Variants in KIFAP3 observed in about 807,000 individuals in gnomAD.
KIFAP3 encodes the protein kinesin associated protein 3.
Under a neutral mutation model 106.5 loss-of-function variants are expected in KIFAP3, and 68 were observed. The observed-to-expected ratio is 0.64, with a 90% CI of 0.53 to 0.78. KIFAP3 has a LOEUF of 0.78. KIFAP3 is among the 30% of genes least tolerant of loss of function. The pLI is 0.00. For missense variants in KIFAP3, 780 were observed against 941.8 expected (o/e 0.83, Z 2.25); for synonymous variants, 320 against 311.5 (o/e 1.03, Z -0.29).
In KIFAP3 at chr1:169,950,575, G is replaced by A. The variant is rs906014203; in HGVS notation, c.2273+3436C>T. Among the ~76,000 whole-genome samples the A allele has an allele frequency of 3.9e-5, 6 of 152,058 alleles. No individual in the cohort carries two copies. The South Asian group carries it at 6.2e-4, about 16-fold the overall frequency. On this transcript the variant is annotated intron_variant, in intron 19 of 19. Transcript: ENST00000361580. The stretch of plus-strand genomic sequence containing the variant: ...TTTAGAGAATCAGCTTTTTCAATAT[G>A]TAAAGATCAATTCAGCTATTATTCT...
chr1:170,032,641 T>A (rs906322441), intron 7 of KIFAP3, among the ~76,000 whole-genome samples: 5 of 151,630 alleles, frequency 3.3e-5, no homozygotes, highest in Non-Finnish European at 1.5e-5. Flanking sequence ...TCAATGCAGC[T>A]GACCTTGTTG....
chr1:169,976,114 C>T (rs1026737634), intron 16 of KIFAP3, among the ~76,000 whole-genome samples: 12 of 152,140 alleles, frequency 7.9e-5, no homozygotes, highest in Admixed American at 5.2e-4. Context: ...GGCAGTAACA[C>T]TTATTCACTG....
At position 169,975,372 on chromosome 1, in the gene KIFAP3, A is replaced by G. The variant is rs189583141; in HGVS notation, c.1897+2713T>C. 5.8e-3 allele frequency among the ~76,000 whole-genome samples: 647 copies of G among 110,854 alleles called. 6 individuals carry two copies. The highest frequency in any genetic ancestry group is 5.7e-3 in the Non-Finnish European group (318 of 55,966). The allele number at this position is 110,854 out of a possible 152,430, so 72.7% of individuals were successfully genotyped here. A position where few individuals can be genotyped will look rare whatever the true frequency, so the allele number is the denominator to read the frequency against. ...TTCTGTTCAAATTATATCAAATAAT[A>G]TTGATCAAACTTTCTAACAAAAAAT... On this transcript the variant is annotated intron_variant, in intron 16 of 19. Transcript: ENST00000361580.
chr1:169,962,134 T>C (rs1449089645), intron 17 of KIFAP3, among the ~76,000 whole-genome samples: 2 of 151,950 alleles, frequency 1.3e-5, no homozygotes, highest in Non-Finnish European at 2.9e-5. Context: ...AGAAAACAAA[T>C]ATCAGAATTG....
At chr1:170,057,211 C>T (rs553734315) in intron 1 of KIFAP3, among the ~76,000 whole-genome samples, 1 of 152,188 alleles carries the variant, frequency 6.6e-6, no homozygotes, top group Admixed American at 6.5e-5. Context: ...AGACTAGCCT[C>T]CTATTACCAC....
intron 9 of KIFAP3, among the ~76,000 whole-genome samples, chr1:170,023,784 G>T (rs1668974493): frequency 6.6e-6 from 1 of 151,964 alleles, no homozygotes. Context: ...TGCTCAACTT[G>T]TATTTTCCAA....
rs3790406 is a variant in KIFAP3, at chr1:169,965,861, A to T, written c.1984-4626T>A. On this transcript the variant is annotated intron_variant, in intron 17 of 19. Transcript: ENST00000361580. Reference sequence around the variant, plus strand: ...AAACCAAAAATATCCATGAGCATCCATGACTAACTTTTGATATTTTCTTGG... The same window carrying T: ...AAACCAAAAATATCCATGAGCATCCTTGACTAACTTTTGATATTTTCTTGG... Among the ~76,000 whole-genome samples, 709 of 152,104 alleles carry T rather than the reference A, an allele frequency of 4.7e-3. 20 individuals are homozygous for T. The South Asian group carries it at 0.081, about 17-fold the overall frequency.
At chr1:170,082,674 G>A (rs1003674468) in intron 1 of KIFAP3, among the ~76,000 whole-genome samples, 5 of 152,102 alleles carry the variant, frequency 3.3e-5, no homozygotes, top group Non-Finnish European at 5.9e-5. Context: ...GGATTAAATA[G>A]CATATTAAAC....
intron 10 of KIFAP3, among the ~76,000 whole-genome samples, chr1:170,005,824 T>A (rs1667928579): frequency 1.3e-5 from 2 of 151,550 alleles, no homozygotes; most frequent in African/African-American, 4.8e-5. Context: ...AACCTGCACG[T>A]TGTGCACATG....
chr1:169,923,906 T>C (rs1447608832), intron 19 of KIFAP3, among the ~76,000 whole-genome samples: 1 of 152,208 alleles, frequency 6.6e-6, no homozygotes, highest in Non-Finnish European at 1.5e-5. Context: ...TCTGGCCTTT[T>C]TGCAGTTTGG....
chr1:169,940,019 T>A (rs1376094819), intron 19 of KIFAP3, among the ~76,000 whole-genome samples: 2 of 152,204 alleles, frequency 1.3e-5, no homozygotes, highest in African/African-American at 4.8e-5. Flanking sequence ...TATGTTTATA[T>A]GTTGACAGGA....
rs781161077 is a variant in KIFAP3, at chr1:169,978,079, G to T, written c.1897+6C>A. 6.4e-7 allele frequency: 1 copy of T among 1,551,254 alleles called. No homozygotes were observed. The highest frequency in any genetic ancestry group is 8.9e-7 in the Non-Finnish European group (1 of 1,124,342). Reference sequence around the variant, plus strand: ...TTGTTATCTACGGTAAACACTGAAAGGATACGTGTTTCCTTGATTATGACG... The same window carrying T: ...TTGTTATCTACGGTAAACACTGAAATGATACGTGTTTCCTTGATTATGACG... On this transcript the variant is annotated splice_donor_region_variant and intron_variant, in intron 16 of 19. Transcript: ENST00000361580.
intron 19 of KIFAP3, among the ~76,000 whole-genome samples, chr1:169,932,944 TA>T (rs1663575876): frequency 6.6e-6 from 1 of 151,978 alleles, no homozygotes; most frequent in Admixed American, 6.6e-5. Flanking sequence ...TCTAAAATAA[TA>T]GTCAAATTAC....
intron 1 of KIFAP3, among the ~76,000 whole-genome samples, chr1:170,082,362 A>T (rs1672033351): frequency 6.6e-6 from 1 of 152,196 alleles, no homozygotes; most frequent in Non-Finnish European, 1.5e-5. Context: ...TCTTGAATAG[A>T]AAAAAAGCAC....
intron 10 of KIFAP3, among the ~76,000 whole-genome samples, chr1:170,006,853 A>C (rs1242398966): frequency 6.6e-6 from 1 of 152,160 alleles, no homozygotes; most frequent in South Asian, 2.1e-4. Context: ...GCTATTTAGA[A>C]GACATCCGTA....
chr1:170,078,977 G>A (rs1671971703), upstream of KIFAP3, among the ~76,000 whole-genome samples: 1 of 152,188 alleles, frequency 6.6e-6, no homozygotes, highest in African/African-American at 2.4e-5. Context: ...GGAATGCAAG[G>A]TTGGTTTAAT....
intron 10 of KIFAP3, 131 bp from the exon 11 acceptor site, chr1:169,992,386 G>C (rs1667149459): frequency 2.3e-6 from 1 of 426,196 alleles, no homozygotes; most frequent in Non-Finnish European, 4.1e-6. Flanking sequence ...AATATTTTGA[G>C]CTATCTATTT....
At chr1:170,054,336 T>C (rs12131603) in intron 2 of KIFAP3, among the ~76,000 whole-genome samples, 10,889 of 152,110 alleles carry the variant, frequency 0.072, 437 homozygotes, top group Non-Finnish European at 0.096. Context: ...TAAAAAGTTT[T>C]GGCAGATGCT....
chr1:169,944,489 C>T (rs1203756370), intron 19 of KIFAP3, among the ~76,000 whole-genome samples: 1 of 152,142 alleles, frequency 6.6e-6, no homozygotes, highest in Non-Finnish European at 1.5e-5. Flanking sequence ...CAGCTCTTCC[C>T]TCCTTCTCGT....
Sources: allele counts gnomAD v4.1 joint callset (sites outside exome capture counted in the v4.1 genomes callset), GRCh38; gene constraint gnomAD v4.1.1; transcripts MANE v1.5; gene names NCBI Gene and HGNC (gene_info 2026-07-23, HGNC 2026-07-21).